Variants in IL15RA observed in about 807,000 individuals in gnomAD.
IL15RA encodes the protein interleukin 15 receptor subunit alpha, also known as interleukin-15 receptor subunit alpha.
Under a neutral mutation model 24.2 loss-of-function variants are expected in IL15RA, and 26 were observed. The observed-to-expected ratio is 1.07, with a 90% CI of 0.79 to 1.49. The LOEUF (loss-of-function observed/expected upper bound fraction) is 1.49, where lower values mean the gene tolerates loss of function less well. IL15RA is among the 40% of genes most tolerant of loss of function. IL15RA has a pLI of 0.00. For missense variants in IL15RA, 354 were observed against 356.4 expected (o/e 0.99, Z 0.05); for synonymous variants, 166 against 157.6 (o/e 1.05, Z -0.40).
Position 5,961,960 on chromosome 10 carries a change from G to C in IL15RA, c.383-1393C>G, listed in dbSNP as rs1164007086. On this transcript the variant is annotated intron_variant, in intron 3 of 6. Coordinates refer to ENST00000379977, the MANE Select transcript of IL15RA (RefSeq NM_002189.4). This position sits in a 1 kb window ranked among gnomAD's most constrained non-coding sequence, Gnocchi z 5.2. ...TGCTCCAGGGCTCCCTGCACAGGAC[G>C]CACCAAGGCATCCTCAGCCAAGTGC... is the stretch of plus-strand genomic sequence containing the variant. Among the ~76,000 whole-genome samples, 1 of 152,194 alleles carries C rather than the reference G, an allele frequency of 6.6e-6. No individual in the cohort carries two copies. The highest frequency in any genetic ancestry group is 1.5e-5 in the Non-Finnish European group (1 of 68,034).
intron 1 of IL15RA, among the ~76,000 whole-genome samples, chr10:5,976,352 G>T (rs1838452109): frequency 6.6e-6 from 1 of 152,236 alleles, no homozygotes; most frequent in East Asian, 1.9e-4. Flanking sequence ...TTTGGCCAGG[G>T]CCTGGGCAGA....
downstream of IL15RA, chr10:5,949,414 T>G: frequency 2.1e-6 from 1 of 469,262 alleles, no homozygotes; most frequent in South Asian, 1.6e-5. The surrounding 1 kb of genome is among the most constrained non-coding windows in gnomAD (Gnocchi z 4.4). Context: ...ATGCACACAT[T>G]GAGTTCTGAT....
In IL15RA at chr10:5,965,430, G is replaced by T. The variant is rs1000853898; in HGVS notation, c.283+715C>A. Among the ~76,000 whole-genome samples, 1 of 152,208 alleles carries T rather than the reference G, an allele frequency of 6.6e-6. No individual in the cohort carries two copies. Among genetic ancestry groups the T allele is most frequent in the Admixed American group, 6.5e-5 (1 of 15,284 alleles). ...CACACTAGCGTGCTCATGAGTGCCC[G>T]CCCAGCTCTGCAGCCAAATTCTCCT... is the stretch of plus-strand genomic sequence containing the variant. On this transcript the variant is annotated intron_variant, in intron 2 of 6. Transcript: ENST00000379977. The surrounding 1 kb of genome is among the most constrained non-coding windows in gnomAD (Gnocchi z 5.8).
At chr10:5,978,685 C>T (rs1035544687), upstream of IL15RA, among the ~76,000 whole-genome samples, 1 of 152,172 alleles carries the variant, frequency 6.6e-6, no homozygotes, top group African/African-American at 2.4e-5. This position sits in a 1 kb window ranked among gnomAD's most constrained non-coding sequence, Gnocchi z 5.2. Context: ...CGCCTGAAGT[C>T]AGGAATTCGA....
rs777639362 is a variant in IL15RA at position 5,959,323 on chromosome 10, C to T, written c.616+431G>A. Among the ~76,000 whole-genome samples, 3 of 151,924 alleles carry T rather than the reference C, an allele frequency of 2.0e-5. No homozygotes were observed. The highest frequency in any genetic ancestry group is 4.4e-5 in the Non-Finnish European group (3 of 67,984). On this transcript the variant is annotated intron_variant, in intron 5 of 6. Transcript: ENST00000379977. The surrounding 1 kb of genome is among the most constrained non-coding windows in gnomAD (Gnocchi z 4.1). ...CCTGGCCAAGAGTAGCATTTTATAC[C>T]GAAAATGTGGACAGCTTCTCTGTTA... is the stretch of plus-strand genomic sequence containing the variant.
intron 5 of IL15RA, among the ~76,000 whole-genome samples, chr10:5,957,272 T>TTTTC (rs943225079): frequency 6.6e-5 from 10 of 151,158 alleles, no homozygotes; most frequent in Admixed American, 5.3e-4. Flanking sequence ...ACCTACAACT[T>TTTTC]TTTCTTTCTT....
chr10:5,977,012 A>C, intron 1 of IL15RA: 1 of 172,408 alleles, frequency 5.8e-6, no homozygotes, highest in Non-Finnish European at 1.2e-5. Context: ...GTGCTATGCA[A>C]CACCCGCCCT....
rs930780167 is a variant in IL15RA, at chr10:5,961,194, C to T, written c.383-627G>A. Among the ~76,000 whole-genome samples, 1 of 151,864 alleles carries T rather than the reference C, an allele frequency of 6.6e-6. No homozygotes were observed. Among genetic ancestry groups the T allele is most frequent in the Non-Finnish European group, 1.5e-5 (1 of 67,974 alleles). On this transcript the variant is annotated intron_variant, in intron 3 of 6. Transcript: ENST00000379977. This position sits in a 1 kb window ranked among gnomAD's most constrained non-coding sequence, Gnocchi z 5.2. ...CCTCCCAAAGTGCTGGGATTACGGGCGAGAGCCACTGTGCCCTGCCGCAAG... is the reference window on the plus strand; with the variant it reads ...CCTCCCAAAGTGCTGGGATTACGGGTGAGAGCCACTGTGCCCTGCCGCAAG...
intron 1 of IL15RA, 170 bp downstream of exon 1, chr10:5,977,235 T>G (rs1332320983): frequency 5.5e-6 from 2 of 366,346 alleles, no homozygotes; most frequent in South Asian, 1.4e-4. Context: ...CACGTGTCCC[T>G]CCTGCCCGGC....
chr10:5,968,787 C>G lies in IL15RA; in HGVS notation c.89-2448G>C. On this transcript the variant is annotated intron_variant, in intron 1 of 6. Coordinates refer to ENST00000379977, the MANE Select transcript of IL15RA (RefSeq NM_002189.4). The surrounding 1 kb of genome is among the most constrained non-coding windows in gnomAD (Gnocchi z 5.4). ...GATGGCTGTGCTACCTGCTTGCTGCCTGCTTGTCCGATGGTGGTGGCACTG... is the reference window on the plus strand; with the variant it reads ...GATGGCTGTGCTACCTGCTTGCTGCGTGCTTGTCCGATGGTGGTGGCACTG... The G allele has an allele frequency of 1.4e-6, 1 of 708,440 alleles. No homozygotes were observed. The highest frequency in any genetic ancestry group is 1.7e-5 in the African/African-American group (1 of 57,458). 43.9% of individuals were successfully genotyped at this position (708,440 alleles called of 1,614,324 possible).
At position 5,963,856 on chromosome 10, in the gene IL15RA, ACC is replaced by A; in HGVS notation, c.284-17_284-16del. 1 of 1,508,198 alleles carries A rather than the reference ACC, an allele frequency of 6.6e-7. No homozygotes were observed. The highest frequency in any genetic ancestry group is 1.7e-4 in the Middle Eastern group (1 of 5,894). The allele number at this position is 1,508,198 out of a possible 1,614,324, so 93.4% of individuals were successfully genotyped here. ...GGCAGGGTCTCCTAGAGAGAGGATA[ACC>A]ACATGGCACTTATGATCCTGAGCCT... On this transcript the variant is annotated splice_polypyrimidine_tract_variant and intron_variant, in intron 2 of 6. Transcript: ENST00000379977. This position sits in a 1 kb window ranked among gnomAD's most constrained non-coding sequence, Gnocchi z 5.3.
At chr10:5,951,168 AAAAAAT>A (rs1312035417), downstream of IL15RA, among the ~76,000 whole-genome samples, 20 of 148,900 alleles carry the variant, frequency 1.3e-4, no homozygotes, top group African/African-American at 3.8e-4. Flanking sequence ...AAAAAAAAAA[AAAAAAT>A]ATTAGCCAGG....
In IL15RA at chr10:5,953,030, T is replaced by C; in HGVS notation, c.*65A>G. 2 of 1,201,220 alleles carry C rather than the reference T, an allele frequency of 1.7e-6. No homozygotes were observed. The highest frequency in any genetic ancestry group is 1.2e-6 in the Non-Finnish European group (1 of 809,776). The allele number at this position is 1,201,220 out of a possible 1,614,324, so 74.4% of individuals were successfully genotyped here. On this transcript the variant is annotated 3_prime_UTR_variant, in exon 7 of 7. Transcript: ENST00000379977. The surrounding 1 kb of genome is among the most constrained non-coding windows in gnomAD (Gnocchi z 5.3). ...CCCGCTTCCTTGCACCTCTTCTCAG[T>C]CGTCTTTAGCTAAAGCAGAGAGGCT... is the stretch of plus-strand genomic sequence containing the variant.
rs1834531907 is a variant in IL15RA, at chr10:5,956,445, G to C, written c.626C>G (p.Ser209Cys). 6.2e-7 allele frequency: 1 copy of C among 1,613,544 alleles called. No individual in the cohort carries two copies. Among genetic ancestry groups the C allele is most frequent in the African/African-American group, 1.3e-5 (1 of 75,042 alleles). ...CCCACACAGCAGGACAGTGGACGTG[G>C]AGATAGCCACTGAAAGGGAGGAGAC... ...QGHSDTTVAI[S>C]TSTVLLCGLS... The change falls in exon 6 of 7, where the codon TCC (serine) becomes TGC (cysteine). Residue 209 changes from serine to cysteine, a missense_variant. Physicochemically the swap from Ser to Cys is moderately radical, Grantham distance 112 (BLOSUM62 -1). Coordinates refer to ENST00000379977, the MANE Select transcript of IL15RA (RefSeq NM_002189.4).
intron 1 of IL15RA, among the ~76,000 whole-genome samples, chr10:5,976,728 A>C (rs971844314): frequency 1.1e-4 from 16 of 151,938 alleles, no homozygotes; most frequent in Non-Finnish European, 2.1e-4. Context: ...TCTCGAATAC[A>C]CCAAGCGATC....
rs570499616 is a variant in IL15RA, at chr10:5,958,636, C to T, written c.616+1118G>A. Among the ~76,000 whole-genome samples, 1 of 152,202 alleles carries T rather than the reference C, an allele frequency of 6.6e-6. No homozygotes were observed. The highest frequency in any genetic ancestry group is 1.5e-5 in the Non-Finnish European group (1 of 68,032). On this transcript the variant is annotated intron_variant, in intron 5 of 6. Coordinates refer to ENST00000379977, the MANE Select transcript of IL15RA (RefSeq NM_002189.4). This position sits in a 1 kb window ranked among gnomAD's most constrained non-coding sequence, Gnocchi z 4.3. ...TCCTGGCCTCCAGTGATCAGCCCCC[C>T]TCGGCCTCCCAAACTGCTGGGATTA...
In IL15RA at chr10:5,968,619, C is replaced by T. The variant is rs553384172; in HGVS notation, c.89-2280G>A. 1.1e-4 allele frequency: 68 copies of T among 600,498 alleles called. No individual in the cohort carries two copies. Among genetic ancestry groups the T allele is most frequent in the African/African-American group, 1.0e-3 (55 of 54,184 alleles). The allele number at this position is 600,498 out of a possible 1,614,324, so 37.2% of individuals were successfully genotyped here. A position where few individuals can be genotyped will look rare whatever the true frequency, so the allele number is the denominator to read the frequency against. On this transcript the variant is annotated intron_variant, in intron 1 of 6. Transcript: ENST00000379977. This position sits in a 1 kb window ranked among gnomAD's most constrained non-coding sequence, Gnocchi z 5.4. ...CTGCAGAGCCCCACTGGCTTTGAGG[C>T]CTCTGGTGCTATCTGGTGCTGGAGT...
upstream of IL15RA, chr10:5,977,588 C>A (rs1426709524): frequency 8.0e-7 from 1 of 1,256,314 alleles, no homozygotes; most frequent in African/African-American, 1.5e-5. Flanking sequence ...TGCCGCCCCG[C>A]CAGTCGCATT....
chr10:5,960,905 G>T lies in IL15RA; in HGVS notation c.383-338C>A, dbSNP rs1037936977. 6.6e-6 allele frequency among the ~76,000 whole-genome samples: 1 copy of T among 152,092 alleles called. No individual in the cohort carries two copies. Among genetic ancestry groups the T allele is most frequent in the Non-Finnish European group, 1.5e-5 (1 of 68,028 alleles). ...AAGACCAGCCTGGGCAACACAGCAA[G>T]ACCCTGTTTCTTTTCCTTCTTTTTT... On this transcript the variant is annotated intron_variant, in intron 3 of 6. Transcript: ENST00000379977. The surrounding 1 kb of genome is among the most constrained non-coding windows in gnomAD (Gnocchi z 5.1).
Sources: gnomAD v4.1 joint callset for allele counts (sites outside exome capture counted in the v4.1 genomes callset) on GRCh38, gnomAD v4.1.1 for gene constraint, Gnocchi (gnomAD v3.1) non-coding constraint, MANE v1.5 for transcripts, NCBI Gene and HGNC (gene_info 2026-07-23, HGNC 2026-07-21) for gene names.